Variants in ZNF362 observed in about 807,000 individuals in gnomAD.
The protein encoded by ZNF362 is zinc finger protein 362, also known as rotund homolog.
ZNF362 carries 11 observed loss-of-function variants against 42.9 expected under a neutral mutation model. That is an observed-to-expected ratio of 0.26 (90% CI 0.16 to 0.42). The LOEUF (loss-of-function observed/expected upper bound fraction) is 0.42, where lower values mean the gene tolerates loss of function less well. Among genes scored for constraint, ZNF362 ranks in the 20% least tolerant of loss-of-function variants. ZNF362 has a pLI of 1.00. For synonymous variants in ZNF362, 255 were observed against 257.3 expected, an observed-to-expected ratio of 0.99 and a Z score of 0.09; for missense variants, 362 against 576.2, an observed-to-expected ratio of 0.63 and a Z score of 3.81.
the ZNF362 span, chr1:33,181,964 C>G: frequency 6.4e-6 from 1 of 155,800 alleles, no homozygotes; most frequent in Non-Finnish European, 1.4e-5. This position sits in a 1 kb window ranked among gnomAD's most constrained non-coding sequence, Gnocchi z 6.5. Flanking sequence ...GGATCCCGGC[C>G]CCAAACCCTG....
the ZNF362 span, among the ~76,000 whole-genome samples, chr1:33,138,177 C>T: frequency 6.6e-6 from 1 of 152,138 alleles, no homozygotes; most frequent in South Asian, 2.1e-4. Context: ...TTCTGGGCAT[C>T]TGCTGCGGCA....
At chr1:33,249,729 T>C in the ZNF362 span, among the ~76,000 whole-genome samples, 1 of 152,098 alleles carries the variant, frequency 6.6e-6, no homozygotes, top group Admixed American at 6.6e-5. Flanking sequence ...GAGGTTCTTA[T>C]TGGGTGTGGG....
the ZNF362 span, among the ~76,000 whole-genome samples, chr1:33,139,082 G>GT: frequency 6.6e-6 from 1 of 152,232 alleles, no homozygotes. Flanking sequence ...TTTCTACTGT[G>GT]TTTATTTTCA....
At chr1:33,158,742 G>T in the ZNF362 span, among the ~76,000 whole-genome samples, 2 of 152,290 alleles carry the variant, frequency 1.3e-5, no homozygotes, top group Non-Finnish European at 2.9e-5. Flanking sequence ...GGAAGATTTG[G>T]GGTCACAGAG....
At chr1:33,248,507 C>T in the ZNF362 span, among the ~76,000 whole-genome samples, 2 of 152,196 alleles carry the variant, frequency 1.3e-5, no homozygotes, top group African/African-American at 4.8e-5. Context: ...CTGCTGAGAA[C>T]CCAGATTACT....
At chr1:33,246,484 T>G in the ZNF362 span, among the ~76,000 whole-genome samples, 3 of 152,168 alleles carry the variant, frequency 2.0e-5, no homozygotes, top group Non-Finnish European at 4.4e-5. Context: ...TGGAAAAGCC[T>G]GGGAATTGCT....
At chr1:33,130,229 C>G in the ZNF362 span, among the ~76,000 whole-genome samples, 4 of 152,330 alleles carry the variant, frequency 2.6e-5, no homozygotes, top group Admixed American at 1.3e-4. Context: ...CTGAGTTGTC[C>G]TTAATGATTT....
chr1:33,292,474 A>G (rs1256734585), intron 6 of ZNF362, among the ~76,000 whole-genome samples: 1 of 152,172 alleles, frequency 6.6e-6, no homozygotes, highest in African/African-American at 2.4e-5. Flanking sequence ...GTCTGCCAGT[A>G]TTGTATTGAG....
chr1:33,250,893 A>G, the ZNF362 span, among the ~76,000 whole-genome samples: 2 of 150,126 alleles, frequency 1.3e-5, no homozygotes, highest in African/African-American at 2.4e-5. Context: ...GAAGAAGAAG[A>G]AGGAGAAGAA....
At chr1:33,286,337 T>C (rs920047335) in intron 6 of ZNF362, among the ~76,000 whole-genome samples, 1 of 151,980 alleles carries the variant, frequency 6.6e-6, no homozygotes, top group Non-Finnish European at 1.5e-5. Flanking sequence ...GAATTCTGTT[T>C]TTTTTTTCCA....
chr1:33,182,479 C>T, the ZNF362 span, among the ~76,000 whole-genome samples: 3 of 152,160 alleles, frequency 2.0e-5, no homozygotes, highest in African/African-American at 7.2e-5. Flanking sequence ...ACTCCTAAGC[C>T]CTGGGGTCCC....
Position 33,280,286 on chromosome 1 carries a change from C to G in ZNF362, c.512C>G (p.Pro171Arg). ...CTCATCTCAGGGATCACCAGCCCCC[C>G]TCTCCTGGACTCCATCAAGACAATC... is the stretch of plus-strand genomic sequence containing the variant. The part of the protein sequence containing the change: ...PTLISGITSP[P>R]LLDSIKTIQG... Residue 171 changes from proline to arginine, a missense_variant, in exon 5 of 9, where the codon CCT becomes CGT. Transcript: ENST00000539719. The surrounding 1 kb of genome is among the most constrained non-coding windows in gnomAD (Gnocchi z 5.6). 1.2e-6 allele frequency: 2 copies of G among 1,614,110 alleles called. No individual in the cohort carries two copies. The highest frequency in any genetic ancestry group is 1.7e-6 in the Non-Finnish European group (2 of 1,179,950).
At chr1:33,216,421 G>T in the ZNF362 span, among the ~76,000 whole-genome samples, 4 of 148,348 alleles carry the variant, frequency 2.7e-5, no homozygotes, top group African/African-American at 9.9e-5. Context: ...CCAACATGGT[G>T]AAACCCCATC....
the ZNF362 span, among the ~76,000 whole-genome samples, chr1:33,236,827 TC>T: frequency 2.0e-5 from 3 of 152,018 alleles, no homozygotes; most frequent in Admixed American, 1.3e-4. Context: ...ACACCTGTAA[TC>T]CCAGCACTGA....
rs758773981 is a variant in ZNF362, at chr1:33,299,230, G to A, written c.*184G>A. 2 of 580,170 alleles carry A rather than the reference G, an allele frequency of 3.4e-6. No homozygotes were observed. Among genetic ancestry groups the A allele is most frequent in the Non-Finnish European group, 6.2e-6 (2 of 323,140 alleles). The allele number at this position is 580,170 out of a possible 1,614,324, so 35.9% of individuals were successfully genotyped here. The stretch of plus-strand genomic sequence containing the variant: ...CAGTCCGGGGGCGGCCAGGCCAACT[G>A]CAAGATTCTGGACTGTTTTGGTGGC... On this transcript the variant is annotated 3_prime_UTR_variant, in exon 9 of 9. Coordinates refer to ENST00000539719, the MANE Select transcript of ZNF362 (RefSeq NM_152493.3).
At chr1:33,129,857 A>ATTAT in the ZNF362 span, among the ~76,000 whole-genome samples, 2 of 152,044 alleles carry the variant, frequency 1.3e-5, no homozygotes, top group African/African-American at 2.4e-5. This position sits in a 1 kb window ranked among gnomAD's most constrained non-coding sequence, Gnocchi z 4.1. Context: ...AGCTTTGCAC[A>ATTAT]TTATTTATTT....
At chr1:33,268,798 G>A (rs1159960444) in intron 1 of ZNF362, among the ~76,000 whole-genome samples, 1 of 152,230 alleles carries the variant, frequency 6.6e-6, no homozygotes, top group Non-Finnish European at 1.5e-5. Flanking sequence ...GCACATGTAA[G>A]GCTTAAGCAA....
At position 33,266,399 on chromosome 1, in the gene ZNF362, C is replaced by G. The variant is rs7530772; in HGVS notation, c.-88-4088C>G. 0.035 allele frequency among the ~76,000 whole-genome samples: 5,355 copies of G among 152,264 alleles called. 223 individuals are homozygous for G. Among genetic ancestry groups the G allele is most frequent in the African/African-American group, 0.086 (3,574 of 41,528 alleles). ...GGCTCTGGGGCTGCAGCAGTGACGGCTGATGGGGAGACAGGCCTAAAGCAT... is the reference window on the plus strand; with the variant it reads ...GGCTCTGGGGCTGCAGCAGTGACGGGTGATGGGGAGACAGGCCTAAAGCAT... On this transcript the variant is annotated intron_variant, in intron 1 of 8. Coordinates refer to ENST00000539719, the MANE Select transcript of ZNF362 (RefSeq NM_152493.3). This position sits in a 1 kb window ranked among gnomAD's most constrained non-coding sequence, Gnocchi z 4.3.
the ZNF362 span, among the ~76,000 whole-genome samples, chr1:33,228,887 C>A: frequency 2.6e-5 from 4 of 152,162 alleles, no homozygotes; most frequent in Non-Finnish European, 5.9e-5. Context: ...GAGTCTAAGT[C>A]CTGGCAATGG....
Sources: allele counts gnomAD v4.1 joint callset (sites outside exome capture counted in the v4.1 genomes callset), GRCh38; gene constraint gnomAD v4.1.1; non-coding constraint Gnocchi (gnomAD v3.1); transcripts MANE v1.5; gene names NCBI Gene and HGNC (gene_info 2026-07-23, HGNC 2026-07-21).